The following ZNRF2 variants were observed in gnomAD, a reference collection of about 807,000 sequenced individuals.
The protein encoded by ZNRF2 is zinc and ring finger 2, also known as E3 ubiquitin-protein ligase ZNRF2.
In ZNRF2, 16 loss-of-function variants were observed where a neutral mutation model predicts 20.4. The ratio of observed to expected loss-of-function variants is 0.79; its 90% CI spans 0.53 to 1.19. The LOEUF is 1.19. ZNRF2 is among the 50% of genes most tolerant of loss of function. ZNRF2 has a pLI of 0.00. For missense variants in ZNRF2, 363 were observed against 332.4 expected (o/e 1.09, Z -0.72); for synonymous variants, 178 against 144.9 (o/e 1.23, Z -1.64).
At chr7:30,292,129 C>A (rs1320063871) in intron 1 of ZNRF2, among the ~76,000 whole-genome samples, 1 of 152,082 alleles carries the variant, frequency 6.6e-6, no homozygotes, top group Admixed American at 6.5e-5. Context: ...TGATTTTAAC[C>A]TTTCTGATGT....
intron 2 of ZNRF2, among the ~76,000 whole-genome samples, chr7:30,337,541 G>C (rs1799734471): frequency 1.3e-5 from 2 of 152,130 alleles, no homozygotes; most frequent in Admixed American, 6.6e-5. Context: ...TGGGAAACTA[G>C]ATCTTTTATC....
At position 30,359,332 on chromosome 7, in the gene ZNRF2, TA is replaced by T. The variant is rs1198966310; in HGVS notation, c.672-3039del. Among the ~76,000 whole-genome samples the T allele has an allele frequency of 9.8e-5, 15 of 152,288 alleles. No individual in the cohort carries two copies. In the East Asian group the frequency reaches 2.7e-3, roughly 27 times the overall value. On this transcript the variant is annotated intron_variant, in intron 3 of 4. Transcript: ENST00000323037. ...TTTGTATCATGACCCAGCAAAAAAG[TA>T]AAAAACTAGACTTTATACTAGGATT... is the stretch of plus-strand genomic sequence containing the variant.
intron 2 of ZNRF2, among the ~76,000 whole-genome samples, chr7:30,350,880 C>T (rs1799951720): frequency 1.3e-5 from 2 of 151,916 alleles, no homozygotes; most frequent in South Asian, 4.1e-4. Flanking sequence ...TTGTATTTTG[C>T]TGAAAAGATC....
At chr7:30,358,112 T>C (rs1000957047) in intron 3 of ZNRF2, among the ~76,000 whole-genome samples, 1 of 152,110 alleles carries the variant, frequency 6.6e-6, no homozygotes, top group Non-Finnish European at 1.5e-5. Flanking sequence ...TCAATAAATG[T>C]GAGAAAGCTT....
chr7:30,331,093 T>A (rs1799629518), intron 2 of ZNRF2, among the ~76,000 whole-genome samples: 1 of 152,162 alleles, frequency 6.6e-6, no homozygotes, highest in African/African-American at 2.4e-5. Context: ...TTCTACTGCC[T>A]TACAGAAATC....
intron 1 of ZNRF2, among the ~76,000 whole-genome samples, chr7:30,316,014 C>T (rs1379149582): frequency 6.6e-6 from 1 of 151,974 alleles, no homozygotes; most frequent in Non-Finnish European, 1.5e-5. Flanking sequence ...TCAGACTAGG[C>T]GCTGTGGCTC....
intron 2 of ZNRF2, among the ~76,000 whole-genome samples, chr7:30,344,876 C>T (rs1799853469): frequency 6.6e-6 from 1 of 152,064 alleles, no homozygotes; most frequent in African/African-American, 2.4e-5. Context: ...TGGGTTATAC[C>T]TTCTCTACTT....
intron 2 of ZNRF2, among the ~76,000 whole-genome samples, chr7:30,336,550 T>C (rs567153027): frequency 9.9e-5 from 15 of 152,212 alleles, no homozygotes; most frequent in Non-Finnish European, 8.8e-5. Flanking sequence ...GAGATGTTTT[T>C]CTTATAGCTT....
chr7:30,318,574 T>C (rs1185623998), intron 1 of ZNRF2, among the ~76,000 whole-genome samples: 1 of 152,208 alleles, frequency 6.6e-6, no homozygotes, highest in East Asian at 1.9e-4. Context: ...AATTGGTGTA[T>C]TCACCAGTCT....
At chr7:30,341,388 C>G (rs1799793762) in intron 2 of ZNRF2, among the ~76,000 whole-genome samples, 1 of 152,042 alleles carries the variant, frequency 6.6e-6, no homozygotes, top group African/African-American at 2.4e-5. Flanking sequence ...CTATAAATTT[C>G]CCTCTAAACA....
chr7:30,295,327 A>G (rs573988739), intron 1 of ZNRF2, among the ~76,000 whole-genome samples: 2 of 152,254 alleles, frequency 1.3e-5, no homozygotes, highest in African/African-American at 4.8e-5. Flanking sequence ...GTATTCTGTT[A>G]TTATGGGGAA....
intron 1 of ZNRF2, among the ~76,000 whole-genome samples, chr7:30,293,680 G>A (rs562752988): frequency 6.3e-4 from 96 of 152,320 alleles, no homozygotes; most frequent in South Asian, 3.1e-3. Context: ...TTGGGACTAC[G>A]TAAAATTTTT....
At chr7:30,296,274 T>C (rs1435465354) in intron 1 of ZNRF2, among the ~76,000 whole-genome samples, 1 of 152,254 alleles carries the variant, frequency 6.6e-6, no homozygotes. Flanking sequence ...GAGGCAGTTA[T>C]AAAATTGCCT....
chr7:30,311,419 C>G (rs979898703), intron 1 of ZNRF2, among the ~76,000 whole-genome samples: 1 of 152,148 alleles, frequency 6.6e-6, no homozygotes, highest in Admixed American at 6.6e-5. Context: ...GAACTACCAG[C>G]AAACCCAATA....
chr7:30,319,248 T>C (rs531818946), intron 1 of ZNRF2, among the ~76,000 whole-genome samples: 9 of 152,184 alleles, frequency 5.9e-5, no homozygotes, highest in Non-Finnish European at 1.3e-4. Context: ...AGAACTGTAC[T>C]GTTTTAAGAA....
At chr7:30,343,432 C>T (rs1206607183) in intron 2 of ZNRF2, among the ~76,000 whole-genome samples, 1 of 152,134 alleles carries the variant, frequency 6.6e-6, no homozygotes, top group African/African-American at 2.4e-5. Context: ...ACTTGATCGT[C>T]ATGGACTAAG....
intron 3 of ZNRF2, among the ~76,000 whole-genome samples, chr7:30,358,201 T>C (rs1247917402): frequency 6.6e-6 from 1 of 152,322 alleles, no homozygotes; most frequent in East Asian, 1.9e-4. Flanking sequence ...TATTAAAATT[T>C]GTGAGAGTTC....
At chr7:30,326,607 T>A (rs1445317664) in intron 2 of ZNRF2, among the ~76,000 whole-genome samples, 1 of 152,238 alleles carries the variant, frequency 6.6e-6, no homozygotes, top group Non-Finnish European at 1.5e-5. Context: ...TATGCATGCA[T>A]GTGTCTTATA....
chr7:30,348,493 C>T (rs1799912238), intron 2 of ZNRF2, among the ~76,000 whole-genome samples: 1 of 152,236 alleles, frequency 6.6e-6, no homozygotes, highest in Non-Finnish European at 1.5e-5. Flanking sequence ...GGATTGGCCA[C>T]ATCTGACTCA....
Sources: gnomAD v4.1 joint callset for allele counts (sites outside exome capture counted in the v4.1 genomes callset) on GRCh38, gnomAD v4.1.1 for gene constraint, MANE v1.5 for transcripts, NCBI Gene and HGNC (gene_info 2026-07-23, HGNC 2026-07-21) for gene names.